Variants in STXBP5L observed in about 807,000 individuals in gnomAD.
The protein encoded by STXBP5L is syntaxin-binding protein 5-like.
A neutral mutation model predicts 144.5 loss-of-function variants in STXBP5L; 65 were observed. The observed-to-expected ratio is 0.45, with a 90% CI of 0.37 to 0.55. The LOEUF (loss-of-function observed/expected upper bound fraction) is 0.55. Among genes scored for constraint, STXBP5L ranks in the 20% least tolerant of loss-of-function variants. The pLI, the probability that STXBP5L is intolerant of heterozygous loss-of-function variation, is 0.00. For synonymous variants in STXBP5L, 505 were observed against 469.6 expected, an observed-to-expected ratio of 1.08 and a Z score of -0.97; for missense variants, 1,298 against 1,405.5, an observed-to-expected ratio of 0.92 and a Z score of 1.22.
chr3:121,002,241 A>C (rs1249492959), intron 3 of STXBP5L, among the ~76,000 whole-genome samples: 1 of 151,964 alleles, frequency 6.6e-6, no homozygotes, highest in African/African-American at 2.4e-5. Flanking sequence ...GATAATAGGC[A>C]TTCTAATCGA....
intron 22 of STXBP5L, among the ~76,000 whole-genome samples, chr3:121,396,843 G>A (rs750465474): frequency 1.3e-5 from 2 of 152,204 alleles, no homozygotes; most frequent in East Asian, 1.9e-4. Context: ...TGTAAAAAGG[G>A]TGCATTCTAC....
chr3:121,102,231 C>T (rs1459197826), intron 5 of STXBP5L, among the ~76,000 whole-genome samples: 1 of 151,930 alleles, frequency 6.6e-6, no homozygotes, highest in African/African-American at 2.4e-5. Flanking sequence ...CATGTGGAAC[C>T]AAAATAGAGC....
At chr3:121,359,070 C>T (rs2045621523) in intron 20 of STXBP5L, among the ~76,000 whole-genome samples, 1 of 152,090 alleles carries the variant, frequency 6.6e-6, no homozygotes, top group South Asian at 2.1e-4. Flanking sequence ...CATATTCCCA[C>T]CAACAGTGCA....
At chr3:121,190,586 G>C (rs1365647173) in intron 9 of STXBP5L, among the ~76,000 whole-genome samples, 1 of 152,212 alleles carries the variant, frequency 6.6e-6, no homozygotes, top group Non-Finnish European at 1.5e-5. Flanking sequence ...CCCAGATGGG[G>C]TGGCGGCCGG....
intron 3 of STXBP5L, among the ~76,000 whole-genome samples, chr3:121,028,699 TAAAAG>T (rs1266068023): frequency 6.6e-6 from 1 of 151,892 alleles, no homozygotes; most frequent in African/African-American, 2.4e-5. Context: ...GCAAAGAAAA[TAAAAG>T]AAAACCTACC....
chr3:121,323,976 T>A (rs1214147498), intron 20 of STXBP5L, among the ~76,000 whole-genome samples: 1 of 152,180 alleles, frequency 6.6e-6, no homozygotes, highest in East Asian at 1.9e-4. Context: ...ATTGAATGTA[T>A]GCCTTTTTTC....
intron 20 of STXBP5L, among the ~76,000 whole-genome samples, chr3:121,374,152 A>C (rs2046115331): frequency 6.6e-6 from 1 of 152,068 alleles, no homozygotes. Flanking sequence ...AGCCTCCAAA[A>C]ACAACTGCAG....
chr3:121,381,921 T>A (rs182585926), intron 22 of STXBP5L, among the ~76,000 whole-genome samples: 2 of 152,124 alleles, frequency 1.3e-5, no homozygotes, highest in South Asian at 4.1e-4. Flanking sequence ...GAACTCAGAA[T>A]AATTAAGCTA....
intron 20 of STXBP5L, among the ~76,000 whole-genome samples, chr3:121,352,263 A>C (rs912961947): frequency 3.3e-5 from 5 of 152,104 alleles, no homozygotes; most frequent in African/African-American, 4.8e-5. Context: ...GAATCTATAA[A>C]TTACCTTGGG....
At chr3:121,356,517 C>T (rs1350123129) in intron 20 of STXBP5L, among the ~76,000 whole-genome samples, 3 of 152,264 alleles carry the variant, frequency 2.0e-5, no homozygotes, top group South Asian at 4.1e-4. Context: ...AGAGAGTCTC[C>T]TTGTCTGCCC....
chr3:120,995,855 A>G (rs572438960), intron 3 of STXBP5L, among the ~76,000 whole-genome samples: 5 of 152,026 alleles, frequency 3.3e-5, no homozygotes, highest in African/African-American at 9.7e-5. Context: ...TTATGTTACT[A>G]TTTCCTCTCT....
intron 9 of STXBP5L, among the ~76,000 whole-genome samples, chr3:121,165,922 T>C (rs2046482110): frequency 6.6e-6 from 1 of 152,226 alleles, no homozygotes; most frequent in African/African-American, 2.4e-5. Flanking sequence ...ATTTTTTATT[T>C]GTTATGAAAA....
chr3:121,310,349 G>A (rs185389874), intron 19 of STXBP5L, among the ~76,000 whole-genome samples: 2 of 151,438 alleles, frequency 1.3e-5, no homozygotes, highest in Non-Finnish European at 2.9e-5. Flanking sequence ...AGTGGCTCAC[G>A]CCTGTACTCC....
intron 5 of STXBP5L, among the ~76,000 whole-genome samples, chr3:121,062,641 C>T (rs777596603): frequency 1.3e-5 from 2 of 152,228 alleles, no homozygotes; most frequent in African/African-American, 2.4e-5. Flanking sequence ...CTTTCAGGTA[C>T]ACCAGTTAAA....
intron 9 of STXBP5L, among the ~76,000 whole-genome samples, chr3:121,172,810 C>T (rs1026533332): frequency 5.9e-5 from 9 of 152,210 alleles, no homozygotes; most frequent in Admixed American, 1.3e-4. Context: ...TACCATTTAA[C>T]TCAGCTATCC....
At chr3:121,223,573 T>C (rs1260631599) in intron 11 of STXBP5L, among the ~76,000 whole-genome samples, 1 of 152,182 alleles carries the variant, frequency 6.6e-6, no homozygotes, top group Non-Finnish European at 1.5e-5. Flanking sequence ...GCTGCATCTG[T>C]TTCACATCTG....
chr3:121,201,714 G>A (rs1488908366), intron 9 of STXBP5L, among the ~76,000 whole-genome samples: 2 of 151,906 alleles, frequency 1.3e-5, no homozygotes, highest in Admixed American at 6.6e-5. Flanking sequence ...AGACCTGGTG[G>A]TGACAATATC....
intron 5 of STXBP5L, among the ~76,000 whole-genome samples, chr3:121,059,735 C>G (rs2041166823): frequency 6.6e-6 from 1 of 152,106 alleles, no homozygotes. Flanking sequence ...CTGTTAGTAG[C>G]AATGGTGAAT....
chr3:121,214,000 G>C (rs1379129985), intron 10 of STXBP5L, among the ~76,000 whole-genome samples: 1 of 152,096 alleles, frequency 6.6e-6, no homozygotes, highest in Admixed American at 6.6e-5. Context: ...GCATAGAGGT[G>C]CTTATAGTAT....
Sources: allele counts gnomAD v4.1 joint callset (sites outside exome capture counted in the v4.1 genomes callset), GRCh38; gene constraint gnomAD v4.1.1; transcripts MANE v1.5; gene names NCBI Gene and HGNC (gene_info 2026-07-23, HGNC 2026-07-21).